DNAJC5G: variants seen among roughly 807,000 people sequenced by gnomAD.
The protein encoded by DNAJC5G is dnaJ homolog subfamily C member 5G.
DNAJC5G carries 13 observed loss-of-function variants against 19.1 expected under a neutral mutation model. The observed-to-expected ratio is 0.68, with a 90% CI of 0.44 to 1.08. DNAJC5G has a LOEUF of 1.08. Ranked by LOEUF, DNAJC5G falls within the 50% of genes least tolerant of loss-of-function variation. The pLI, the probability that DNAJC5G is intolerant of heterozygous loss-of-function variation, is 0.00. For synonymous variants in DNAJC5G, 81 were observed against 84.4 expected (o/e 0.96, Z 0.22); for missense variants, 245 against 230.4 (o/e 1.06, Z -0.41).
At chr2:27,277,243 A>G (rs1222954568) in intron 3 of DNAJC5G, among the ~76,000 whole-genome samples, 1 of 139,150 alleles carries the variant, frequency 7.2e-6, no homozygotes, top group Non-Finnish European at 1.5e-5. Context: ...TGCCTGGCCT[A>G]CGACCCGTTT....
In DNAJC5G at chr2:27,278,216, C is replaced by T. The variant is rs774335281; in HGVS notation, c.404C>T (p.Thr135Ile). The stretch of plus-strand genomic sequence containing the variant: ...CTTGTCATCCTGTGTACTCTGCTCA[C>T]TTGTTGCTGTTTCTGTTGTTGCTGC... The part of the protein sequence containing the change: ...KTLVILCTLL[T>I]CCCFCCCCCF... Residue 135 changes from threonine (T) to isoleucine (I), a missense_variant, in exon 5 of 7, where the codon ACT (threonine) becomes ATT (isoleucine). Thr to Ile is a moderately conservative substitution (Grantham distance 89). Transcript: ENST00000296097. 1.2e-6 allele frequency: 2 copies of T among 1,614,218 alleles called. No individual in the cohort carries two copies. Among genetic ancestry groups the T allele is most frequent in the South Asian group, 2.2e-5 (2 of 91,084 alleles).
Position 27,278,269 on chromosome 2 carries a change from C to T in DNAJC5G, c.457C>T (p.Pro153Ser). Residue 153 changes from proline to serine, a missense_variant, in exon 5 of 7, where the codon CCA (proline) becomes TCA (serine). By Grantham distance (74) the Pro-to-Ser change is moderately conservative. Transcript: ENST00000296097. ...TTTTTGCTGTGGAGCACTTAAACCA[C>T]CACCTGAGCAGGATAGTGGGAGAAA... ...CCFCCGALKP[P>S]PEQDSGRKYQ... 2 of 1,614,160 alleles carry T rather than the reference C, an allele frequency of 1.2e-6. No homozygotes were observed. Among genetic ancestry groups the T allele is most frequent in the East Asian group, 2.2e-5 (1 of 44,886 alleles).
Position 27,281,047 on chromosome 2 carries a change from T to G in DNAJC5G, c.*637T>G, listed in dbSNP as rs1389886402. On this transcript the variant is annotated 3_prime_UTR_variant, in exon 7 of 7. Transcript: ENST00000296097. ...TCAACTCAGGAAAACTGCGAGTGCATTTGAGGCTTAGGGGTAGTCATTCCA... is the reference window on the plus strand; with the variant it reads ...TCAACTCAGGAAAACTGCGAGTGCAGTTGAGGCTTAGGGGTAGTCATTCCA... The G allele has an allele frequency of 6.6e-6, 1 of 152,330 alleles. No individual in the cohort carries two copies. Among genetic ancestry groups the G allele is most frequent in the Non-Finnish European group, 1.5e-5 (1 of 68,038 alleles). 9.4% of individuals were successfully genotyped at this position (152,330 alleles called of 1,614,324 possible).
chr2:27,278,382 A>G, intron 5 of DNAJC5G, 50 bp downstream of exon 5: 1 of 1,605,930 alleles, frequency 6.2e-7, no homozygotes, highest in Non-Finnish European at 8.5e-7. Context: ...TGGATTGGGA[A>G]TGAAAGAAAT....
intron 6 of DNAJC5G, 43 bp downstream of exon 6, chr2:27,280,276 G>A: frequency 1.3e-6 from 2 of 1,533,102 alleles, no homozygotes; most frequent in South Asian, 1.1e-5. Context: ...GATAAGAAAA[G>A]CATGTAAGCT....
intron 4 of DNAJC5G, 28 bp downstream of exon 4, chr2:27,278,043 A>T (rs754807610): frequency 6.2e-7 from 1 of 1,610,878 alleles, no homozygotes; most frequent in Non-Finnish European, 8.5e-7. Context: ...TCCTTTAAGA[A>T]TAAGGAAAGA....
At chr2:27,277,664 T>TG in intron 3 of DNAJC5G, 90 bp from the exon 4 acceptor site, 1 of 1,508,496 alleles carries the variant, frequency 6.6e-7, no homozygotes, top group Middle Eastern at 1.7e-4. Context: ...CTTGGATGCT[T>TG]GCCTCCATCC....
Position 27,278,315 on chromosome 2 carries a change from G to C in DNAJC5G, c.503G>C (p.Ser168Thr), listed in dbSNP as rs1275469261. 1.9e-6 allele frequency: 3 copies of C among 1,614,152 alleles called. No homozygotes were observed. Among genetic ancestry groups the C allele is most frequent in the Non-Finnish European group, 2.5e-6 (3 of 1,180,032 alleles). ...SGRKYQQNVQ[S>T]QPPRSGAKCD... ...AGAAAATATCAGCAGAATGTCCAGA[G>C]TCAGCCTCCAAGGTCAGGTGAGAAC... Residue 168 changes from serine (S) to threonine (T), a missense_variant, in exon 5 of 7, where the codon AGT (serine) becomes ACT (threonine). Physicochemically the swap from Ser to Thr is moderately conservative, Grantham distance 58 (BLOSUM62 1). Transcript: ENST00000296097.
chr2:27,277,705 ACT>A (rs763214668), intron 3 of DNAJC5G, 47 bp from the exon 4 acceptor site: 69 of 1,606,526 alleles, frequency 4.3e-5, no homozygotes, highest in Middle Eastern at 1.7e-4. Context: ...TTCCTTCTGC[ACT>A]CTCTAGAGAC....
Position 27,276,756 on chromosome 2 carries a change from C to A in DNAJC5G, c.28C>A (p.Arg10=), listed in dbSNP as rs142361760. 6.2e-7 allele frequency: 1 copy of A among 1,613,894 alleles called. No individual in the cohort carries two copies. The highest frequency in any genetic ancestry group is 2.2e-5 in the East Asian group (1 of 44,874). MSTVKEAAH[R]LSKSEMSLYA... ...GTCTACTGTGAAGGAAGCAGCACACCGGCTGTCCAAAAGTGAGATGAGCCT... is the reference window on the plus strand; with the variant it reads ...GTCTACTGTGAAGGAAGCAGCACACAGGCTGTCCAAAAGTGAGATGAGCCT... The change falls in exon 3 of 7, where the codon CGG becomes AGG. Residue 10 remains arginine, a synonymous_variant. Transcript: ENST00000296097.
chr2:27,275,989 G>A (rs1454159765), intron 1 of DNAJC5G, 117 bp from the exon 2 acceptor site: 2 of 151,776 alleles, frequency 1.3e-5, no homozygotes, highest in African/African-American at 4.9e-5. Context: ...GAGGCTCAAT[G>A]GCTCACGCCT....
In DNAJC5G at chr2:27,277,760, C is replaced by T. The variant is rs748364890; in HGVS notation, c.120C>T (p.Ser40=). 21 of 1,613,822 alleles carry T rather than the reference C, an allele frequency of 1.3e-5. No homozygotes were observed. Among genetic ancestry groups the T allele is most frequent in the South Asian group, 7.7e-5 (7 of 91,076 alleles). The change falls in exon 4 of 7, where the codon TCC becomes TCT. Residue 40 remains serine, a synonymous_variant. Coordinates refer to ENST00000296097, the MANE Select transcript of DNAJC5G (RefSeq NM_173650.3). ...CGTAAGTCTCCTTCCCCAGCCATTC[C>T]GCATTGCTTCCCCACCCTCCTTTTG... is the stretch of plus-strand genomic sequence containing the variant. ...PEDFKKSYSH[S]ALLPHPPFEY...
intron 5 of DNAJC5G, among the ~76,000 whole-genome samples, chr2:27,278,655 G>A (rs551624250): frequency 6.2e-5 from 8 of 129,164 alleles, no homozygotes; most frequent in Admixed American, 9.3e-5. Flanking sequence ...CTGCACTCCA[G>A]CCTGGGAGAC....
Position 27,281,299 on chromosome 2 carries a change from C to T in DNAJC5G, c.*889C>T, listed in dbSNP as rs1439807340. ...TTCCCACTCTTGCCTCTTTGTGCTG[C>T]TGTTTCGTATCCTCCTCACACCGTG... On this transcript the variant is annotated 3_prime_UTR_variant, in exon 7 of 7. Transcript: ENST00000296097. 1 of 152,360 alleles carries T rather than the reference C, an allele frequency of 6.6e-6. No individual in the cohort carries two copies. Among genetic ancestry groups the T allele is most frequent in the Non-Finnish European group, 1.5e-5 (1 of 68,048 alleles). The allele number at this position is 152,360 out of a possible 1,614,324, so 9.4% of individuals were successfully genotyped here.
At chr2:27,278,065 C>T (rs1438654700) in intron 4 of DNAJC5G, 50 bp downstream of exon 4, 8 of 1,608,068 alleles carry the variant, frequency 5.0e-6, no homozygotes, top group Admixed American at 1.7e-5. Flanking sequence ...GGGTGACCTT[C>T]CTTTCCTTAT....
At position 27,280,421 on chromosome 2, in the gene DNAJC5G, G is replaced by T. The variant is rs997536721; in HGVS notation, c.*19-8G>T. ...GATTAATAAAGCGCCACCTTCTTCCGCCACTAGGTGCTGACCCAGTGAGGG... is the reference window on the plus strand; with the variant it reads ...GATTAATAAAGCGCCACCTTCTTCCTCCACTAGGTGCTGACCCAGTGAGGG... On this transcript the variant is annotated splice_polypyrimidine_tract_variant and splice_region_variant and intron_variant, in intron 6 of 6. Transcript: ENST00000296097. 7 of 549,978 alleles carry T rather than the reference G, an allele frequency of 1.3e-5. No homozygotes were observed. In the Admixed American group the frequency reaches 2.2e-4, roughly 17 times the overall value. The allele number at this position is 549,978 out of a possible 1,614,324, so 34.1% of individuals were successfully genotyped here.
At chr2:27,278,118 T>C in intron 4 of DNAJC5G, 70 bp from the exon 5 acceptor site, 1 of 1,610,756 alleles carries the variant, frequency 6.2e-7, no homozygotes, top group Non-Finnish European at 8.5e-7. Flanking sequence ...GCCAGGAGGA[T>C]TGAGGGAGGG....
chr2:27,280,413 C>A lies in DNAJC5G; in HGVS notation c.*19-16C>A. 1 of 570,294 alleles carries A rather than the reference C, an allele frequency of 1.8e-6. No individual in the cohort carries two copies. The highest frequency in any genetic ancestry group is 3.1e-6 in the Non-Finnish European group (1 of 322,828). The allele number at this position is 570,294 out of a possible 1,614,324, so 35.3% of individuals were successfully genotyped here. A position where few individuals can be genotyped will look rare whatever the true frequency, so the allele number is the denominator to read the frequency against. The stretch of plus-strand genomic sequence containing the variant: ...TTCCTTCTGATTAATAAAGCGCCAC[C>A]TTCTTCCGCCACTAGGTGCTGACCC... On this transcript the variant is annotated splice_polypyrimidine_tract_variant and intron_variant, in intron 6 of 6. Coordinates refer to ENST00000296097, the MANE Select transcript of DNAJC5G (RefSeq NM_173650.3).
intron 3 of DNAJC5G, among the ~76,000 whole-genome samples, 190 bp from the exon 4 acceptor site, chr2:27,277,564 A>G (rs928032516): frequency 6.6e-6 from 1 of 152,104 alleles, no homozygotes; most frequent in Non-Finnish European, 1.5e-5. Flanking sequence ...TCCCAGCCCT[A>G]TGACCCATTT....
Sources: gnomAD v4.1 joint callset for allele counts (sites outside exome capture counted in the v4.1 genomes callset) on GRCh38, gnomAD v4.1.1 for gene constraint, MANE v1.5 for transcripts, NCBI Gene and HGNC (gene_info 2026-07-23, HGNC 2026-07-21) for gene names.